CGNL1: variants seen among roughly 807,000 people sequenced by gnomAD.
CGNL1 encodes cingulin like 1, also known as cingulin-like protein 1.
A neutral mutation model predicts 141.2 loss-of-function variants in CGNL1; 132 were observed. The ratio of observed to expected loss-of-function variants is 0.93; its 90% confidence interval spans 0.81 to 1.08. The LOEUF is 1.08. CGNL1 is among the 50% of genes least tolerant of loss of function. The probability of loss-of-function intolerance (pLI) is 0.00; values close to 1 mark genes in which losing one functional copy is unlikely to be tolerated. For missense variants in CGNL1, 1,870 were observed against 1,588.6 expected (o/e 1.18, Z -3.01); for synonymous variants, 690 against 622.1 (o/e 1.11, Z -1.63).
intron 18 of CGNL1, among the ~76,000 whole-genome samples, 187 bp downstream of exon 18, chr15:57,546,426 C>G (rs1382619060): frequency 1.3e-5 from 2 of 152,156 alleles, no homozygotes; most frequent in African/African-American, 2.4e-5. Flanking sequence ...AGTAGGGTCT[C>G]ATGCATGTCA....
At chr15:57,514,435 C>G (rs908756703) in intron 8 of CGNL1, among the ~76,000 whole-genome samples, 10 of 152,114 alleles carry the variant, frequency 6.6e-5, no homozygotes, top group Non-Finnish European at 1.5e-4. Flanking sequence ...TATGACGTAA[C>G]CCACCGCACC....
chr15:57,507,533 T>C (rs1435762749), intron 8 of CGNL1, among the ~76,000 whole-genome samples: 1 of 152,186 alleles, frequency 6.6e-6, no homozygotes, highest in African/African-American at 2.4e-5. Flanking sequence ...GGTAATTGAA[T>C]ATGATTAAAA....
At chr15:57,430,624 T>C (rs2063033268) in intron 1 of CGNL1, among the ~76,000 whole-genome samples, 1 of 152,104 alleles carries the variant, frequency 6.6e-6, no homozygotes, top group Non-Finnish European at 1.5e-5. Flanking sequence ...GCGGGTAGAC[T>C]TCCAGGGGGA....
At chr15:57,484,336 T>G (rs2063761743) in intron 8 of CGNL1, among the ~76,000 whole-genome samples, 1 of 152,174 alleles carries the variant, frequency 6.6e-6, no homozygotes, top group African/African-American at 2.4e-5. Context: ...GTTGTGGTAG[T>G]TTGTACTTTT....
intron 8 of CGNL1, among the ~76,000 whole-genome samples, chr15:57,512,072 G>C (rs919526848): frequency 6.6e-6 from 1 of 152,142 alleles, no homozygotes; most frequent in African/African-American, 2.4e-5. Context: ...CTCTTTACCA[G>C]CTCTGTCTTG....
At chr15:57,491,858 C>T (rs1227706014) in intron 8 of CGNL1, among the ~76,000 whole-genome samples, 3 of 152,004 alleles carry the variant, frequency 2.0e-5, no homozygotes, top group Non-Finnish European at 4.4e-5. Flanking sequence ...ACCAACTCCC[C>T]TCCTCCTCCT....
At chr15:57,543,612 C>G (rs2032684116) in intron 14 of CGNL1, 84 bp from the exon 15 acceptor site, 2 of 1,214,756 alleles carry the variant, frequency 1.6e-6, no homozygotes, top group South Asian at 2.5e-5. Context: ...TGGAGGTTGA[C>G]ATTCAGTTCC....
chr15:57,415,478 T>C (rs1222694702), intron 1 of CGNL1, among the ~76,000 whole-genome samples: 3 of 152,190 alleles, frequency 2.0e-5, no homozygotes, highest in Non-Finnish European at 4.4e-5. Context: ...AGGTGGCCTC[T>C]AGAAGCAGGA....
chr15:57,425,051 T>C (rs1184984494), intron 1 of CGNL1, among the ~76,000 whole-genome samples: 2 of 152,180 alleles, frequency 1.3e-5, no homozygotes, highest in African/African-American at 4.8e-5. Context: ...CTAAGAATCG[T>C]TGAGATTTTT....
At chr15:57,530,696 G>A (rs1567173081) in intron 13 of CGNL1, among the ~76,000 whole-genome samples, 2 of 152,178 alleles carry the variant, frequency 1.3e-5, no homozygotes, top group South Asian at 4.1e-4. Context: ...GCTCCTGGGT[G>A]AGGGTTTTCT....
chr15:57,506,701 G>T (rs1209809134), intron 8 of CGNL1, among the ~76,000 whole-genome samples: 1 of 152,162 alleles, frequency 6.6e-6, no homozygotes, highest in African/African-American at 2.4e-5. Context: ...TCAGAGAACC[G>T]GGTTCAAGTC....
chr15:57,393,510 T>C (rs1488579680), intron 1 of CGNL1, among the ~76,000 whole-genome samples: 2 of 152,194 alleles, frequency 1.3e-5, no homozygotes, highest in African/African-American at 2.4e-5. Flanking sequence ...TTTCAGTGTG[T>C]GTGTGTATTT....
chr15:57,437,099 C>A (rs190978206), intron 1 of CGNL1, among the ~76,000 whole-genome samples: 30 of 152,264 alleles, frequency 2.0e-4, no homozygotes, highest in African/African-American at 7.2e-4. Context: ...TGGTGAGGAA[C>A]CTCGGAGTGT....
At chr15:57,380,157 C>T (rs1665550403) in intron 1 of CGNL1, among the ~76,000 whole-genome samples, 1 of 152,188 alleles carries the variant, frequency 6.6e-6, no homozygotes, top group African/African-American at 2.4e-5. Flanking sequence ...CCTCAGCCTC[C>T]TGAGTAGCTG....
At position 57,549,958 on chromosome 15, in the gene CGNL1, A is replaced by G. The variant is rs1390282167; in HGVS notation, c.*2468A>G. ...CTGCTGGGGAAGGTCAGCACACCCA[A>G]GAACTTTGGGAGTGTGTGTCTGTTT... On this transcript the variant is annotated 3_prime_UTR_variant, in exon 19 of 19. Transcript: ENST00000281282. 1 of 152,226 alleles carries G rather than the reference A, an allele frequency of 6.6e-6. No homozygotes were observed. The highest frequency in any genetic ancestry group is 2.4e-5 in the African/African-American group (1 of 41,458). The allele number at this position is 152,226 out of a possible 1,614,324, so 9.4% of individuals were successfully genotyped here.
intron 4 of CGNL1, 94 bp downstream of exon 4, chr15:57,442,572 G>C: frequency 1.3e-6 from 1 of 750,824 alleles, no homozygotes; most frequent in Non-Finnish European, 2.3e-6. Flanking sequence ...GTTTATAGCA[G>C]TAAGTGGGAA....
At chr15:57,506,565 G>T (rs191565836) in intron 8 of CGNL1, among the ~76,000 whole-genome samples, 22 of 152,314 alleles carry the variant, frequency 1.4e-4, no homozygotes, top group Non-Finnish European at 1.8e-4. Context: ...TGTAGCTGAA[G>T]CCCCCAGCTG....
At chr15:57,481,598 CT>C (rs1180087829) in intron 8 of CGNL1, among the ~76,000 whole-genome samples, 13 of 152,144 alleles carry the variant, frequency 8.5e-5, no homozygotes, top group African/African-American at 3.1e-4. Context: ...CATTGAAGGA[CT>C]TATGGGATGT....
At chr15:57,440,888 G>A (rs2063178101) in intron 3 of CGNL1, among the ~76,000 whole-genome samples, 2 of 151,918 alleles carry the variant, frequency 1.3e-5, no homozygotes, top group South Asian at 4.2e-4. Context: ...AAGAGCCCCT[G>A]CTTCCATTAT....
Sources: gnomAD v4.1 joint callset for allele counts (sites outside exome capture counted in the v4.1 genomes callset) on GRCh38, gnomAD v4.1.1 for gene constraint, MANE v1.5 for transcripts, NCBI Gene and HGNC (gene_info 2026-07-23, HGNC 2026-07-21) for gene names.